The following CPLANE1 variants were observed in gnomAD, a reference collection of about 807,000 sequenced individuals.
CPLANE1 encodes ciliogenesis and planar polarity effector complex subunit 1, also known as ciliogenesis and planar polarity effector 1.
A neutral mutation model predicts 362.5 loss-of-function variants in CPLANE1; 263 were observed. The observed-to-expected ratio is 0.73, with a 90% CI of 0.66 to 0.80. CPLANE1 has a LOEUF of 0.80. CPLANE1 is among the 30% of genes least tolerant of loss of function. The pLI, the probability that CPLANE1 is intolerant of heterozygous loss-of-function variation, is 0.00. For synonymous variants in CPLANE1, 1,212 were observed against 1,302.6 expected (o/e 0.93, Z 1.50); for missense variants, 3,461 against 3,793.4 (o/e 0.91, Z 2.30).
intron 46 of CPLANE1, among the ~76,000 whole-genome samples, chr5:37,138,271 G>T (rs537997328): frequency 1.3e-5 from 2 of 152,244 alleles, no homozygotes; most frequent in East Asian, 1.9e-4. Context: ...TTGTTGAATT[G>T]AACTCTTTAT....
chr5:37,124,063 C>T (rs953741420), intron 47 of CPLANE1, among the ~76,000 whole-genome samples: 22 of 152,058 alleles, frequency 1.4e-4, no homozygotes, highest in East Asian at 1.9e-4. Flanking sequence ...ATCAAGAAAA[C>T]GTTACGTTAA....
intron 16 of CPLANE1, chr5:37,212,376 T>C: frequency 2.4e-6 from 2 of 818,642 alleles, no homozygotes; most frequent in Non-Finnish European, 4.4e-6. Flanking sequence ...AGATGACTCT[T>C]GGTAACCATG....
chr5:37,111,211 C>A (rs1430829831), intron 51 of CPLANE1, among the ~76,000 whole-genome samples: 2 of 151,718 alleles, frequency 1.3e-5, no homozygotes, highest in African/African-American at 4.8e-5. Context: ...AGCTCCACCT[C>A]CCGGGTTCAC....
intron 41 of CPLANE1, among the ~76,000 whole-genome samples, chr5:37,156,275 C>T (rs1775075648): frequency 6.6e-6 from 1 of 152,078 alleles, no homozygotes; most frequent in Non-Finnish European, 1.5e-5. Context: ...TTAATCTAAC[C>T]AGTCACAGGA....
chr5:37,168,946 G>T lies in CPLANE1; in HGVS notation c.7078C>A (p.Pro2360Thr). 6.2e-7 allele frequency: 1 copy of T among 1,614,160 alleles called. No individual in the cohort carries two copies. ...GGTTTAAGTGGCAGGTATAGTAACG[G>T]AAGTCCAAAGGAATGGTGAGGAGAT... ...EISPHHSFGL[P>T]LLYLPLKPPN... The change falls in exon 34 of 53, where the codon CCG (proline) becomes ACG (threonine). Residue 2360 changes from proline (P) to threonine (T), a missense_variant. Around this residue, in one of 2 missense-constraint regions of CPLANE1, gnomAD observed 3,380 missense variants for 3,666.1 expected, o/e 0.92. Transcript: ENST00000651892.
chr5:37,177,821 A>G lies in CPLANE1; in HGVS notation c.5821-121T>C, dbSNP rs180796336. ...AGTAACAACAGTCTACAAGCAAGTG[A>G]GAAATCAAACAGTAAAATGTACTCC... is the stretch of plus-strand genomic sequence containing the variant. On this transcript the variant is annotated intron_variant, in intron 29 of 52. Transcript: ENST00000651892. 123 of 740,234 alleles carry G rather than the reference A, an allele frequency of 1.7e-4. No homozygotes were observed. In the Admixed American group the frequency reaches 1.7e-3, roughly 10 times the overall value. The allele number at this position is 740,234 out of a possible 1,614,324, so 45.9% of individuals were successfully genotyped here.
the CPLANE1 span, among the ~76,000 whole-genome samples, chr5:37,101,175 G>GTCTT: frequency 6.6e-6 from 1 of 152,206 alleles, no homozygotes; most frequent in Non-Finnish European, 1.5e-5. Context: ...AGGCATCCTT[G>GTCTT]TCTTGTGCCA....
At chr5:37,083,279 C>T in the CPLANE1 span, among the ~76,000 whole-genome samples, 1 of 152,190 alleles carries the variant, frequency 6.6e-6, no homozygotes, top group East Asian at 1.9e-4. Context: ...ATCTGAACAA[C>T]AGCCTTCAGC....
intron 37 of CPLANE1, among the ~76,000 whole-genome samples, chr5:37,163,992 T>C (rs1478571730): frequency 6.6e-6 from 1 of 152,188 alleles, no homozygotes; most frequent in African/African-American, 2.4e-5. Flanking sequence ...GCTAGGAGAA[T>C]GACCATCCCA....
chr5:37,140,127 T>TA (rs1769219808), intron 44 of CPLANE1: 1 of 884,726 alleles, frequency 1.1e-6, no homozygotes. Context: ...GAAAAACACT[T>TA]AATCTATTCA....
At chr5:37,179,973 C>A in intron 28 of CPLANE1, 44 bp downstream of exon 28, 1 of 1,378,986 alleles carries the variant, frequency 7.3e-7, no homozygotes, top group Non-Finnish European at 9.8e-7. Context: ...TTACCAATTT[C>A]AAATTAATAA....
intron 5 of CPLANE1, 61 bp from the exon 6 acceptor site, chr5:37,243,180 A>C: frequency 1.1e-6 from 1 of 917,894 alleles, no homozygotes; most frequent in Non-Finnish European, 1.6e-6. Context: ...CAAGATACTA[A>C]AATACATATA....
Position 37,184,809 on chromosome 5 carries a change from C to T in CPLANE1, c.4460G>A (p.Ser1487Asn), listed in dbSNP as rs138157520. The change falls in exon 25 of 53, where the codon AGT becomes AAT. Residue 1487 changes from serine (S) to asparagine (N), a missense_variant. Ser to Asn is a conservative substitution (Grantham distance 46). Around this residue, in one of 2 missense-constraint regions of CPLANE1, gnomAD observed 3,380 missense variants for 3,666.1 expected, o/e 0.92. Transcript: ENST00000651892. ...GTACCTTTGATAGATATTTATCCTA[C>T]TTTTTTCTTCAACCGACAAAGCTTC... ...FSEALSVEEK[S>N]RINIYQRNAP... 173 of 1,611,892 alleles carry T rather than the reference C, an allele frequency of 1.1e-4. No individual in the cohort carries two copies. The African/African-American group carries it at 1.7e-3, about 16-fold the overall frequency.
chr5:37,196,678 C>G (rs188149964), intron 20 of CPLANE1, among the ~76,000 whole-genome samples: 1 of 152,310 alleles, frequency 6.6e-6, no homozygotes, highest in East Asian at 1.9e-4. Context: ...GTAATCCCAG[C>G]ACTTTAGGGA....
chr5:37,133,044 CCCT>C (rs1302114379), intron 46 of CPLANE1, among the ~76,000 whole-genome samples: 2 of 152,100 alleles, frequency 1.3e-5, no homozygotes, highest in African/African-American at 4.8e-5. Context: ...CTGCCTTTCC[CCCT>C]AATTTTTGTC....
chr5:37,226,966 TCTTC>T lies in CPLANE1; in HGVS notation c.1625_1628del (p.Gly542AspfsTer40), dbSNP rs753582064. ...TATCAAACATAGATGCAAATTCCAA[TCTTC>T]CTTCCTTCATACTACTACACAGCAC... On this transcript the variant is annotated frameshift_variant, in exon 12 of 53. Coordinates refer to ENST00000651892, the MANE Select transcript of CPLANE1 (RefSeq NM_001384732.1). The T allele has an allele frequency of 6.4e-7, 1 of 1,551,928 alleles. No individual in the cohort carries two copies. Among genetic ancestry groups the T allele is most frequent in the South Asian group, 1.2e-5 (1 of 84,058 alleles).
chr5:37,158,481 G>GAAATCTA, intron 38 of CPLANE1, 136 bp from the exon 39 acceptor site: 2 of 758,290 alleles, frequency 2.6e-6, no homozygotes, highest in Non-Finnish European at 4.0e-6. Context: ...GAAGTGACAT[G>GAAATCTA]GGTATAAATA....
chr5:37,084,770 T>TTAAAAAAAGATATCTTTTTTTTTAAA, the CPLANE1 span, among the ~76,000 whole-genome samples: 2 of 151,120 alleles, frequency 1.3e-5, no homozygotes, highest in East Asian at 1.9e-4. Context: ...GACTCTGTCT[T>TTAAAAAAAGATATCTTTTTTTTTAAA]TAAAAAAAGA....
chr5:37,202,059 G>A (rs1427505257), intron 18 of CPLANE1, among the ~76,000 whole-genome samples: 1 of 152,002 alleles, frequency 6.6e-6, no homozygotes, highest in Non-Finnish European at 1.5e-5. Context: ...TTCTTAGAAT[G>A]TAGTTCTGAG....
Sources: gnomAD v4.1 joint callset for allele counts (sites outside exome capture counted in the v4.1 genomes callset) on GRCh38, gnomAD v4.1.1 for gene constraint, gnomAD v4.1.1 regional missense constraint, MANE v1.5 for transcripts, NCBI Gene and HGNC (gene_info 2026-07-23, HGNC 2026-07-21) for gene names.